The following RBFOX1 variants were observed in gnomAD, a reference collection of about 807,000 sequenced individuals.
The protein encoded by RBFOX1 is RNA binding protein fox-1 homolog 1.
Under a neutral mutation model 57.7 loss-of-function variants are expected in RBFOX1, and 8 were observed. The observed-to-expected ratio is 0.14, with a 90% CI of 0.08 to 0.25. The LOEUF is 0.25. Ranked by LOEUF, RBFOX1 falls within the 10% of genes least tolerant of loss-of-function variation. RBFOX1 has a pLI of 1.00. For missense variants in RBFOX1, 611 were observed against 548.5 expected, an observed-to-expected ratio of 1.11 and a Z score of -1.14; for synonymous variants, 326 against 222.4, an observed-to-expected ratio of 1.47 and a Z score of -4.15.
chr16:5,842,823 AATTT>A (rs1216181428), intron 3 of RBFOX1, among the ~76,000 whole-genome samples: 1 of 150,742 alleles, frequency 6.6e-6, no homozygotes, highest in Non-Finnish European at 1.5e-5. Flanking sequence ...TTTTTTTTTT[AATTT>A]ATTTATTTTG....
intron 12 of RBFOX1, among the ~76,000 whole-genome samples, chr16:7,662,565 T>C (rs530870306): frequency 5.0e-4 from 76 of 152,244 alleles, no homozygotes; most frequent in Admixed American, 2.3e-3. Context: ...GAGAATAGAA[T>C]GTTAGTTAAG....
intron 3 of RBFOX1, among the ~76,000 whole-genome samples, chr16:6,752,320 C>G (rs1239239557): frequency 6.6e-6 from 1 of 152,170 alleles, no homozygotes; most frequent in Non-Finnish European, 1.5e-5. Flanking sequence ...ATAACTTTGA[C>G]ATTATCAGAC....
At chr16:7,432,471 A>T (rs1003179695) in intron 4 of RBFOX1, among the ~76,000 whole-genome samples, 3 of 152,186 alleles carry the variant, frequency 2.0e-5, no homozygotes, top group African/African-American at 7.2e-5. Context: ...CTCAGGTTGC[A>T]TTGCACCTTA....
chr16:7,481,388 TTGC>T (rs1478018743), intron 4 of RBFOX1, among the ~76,000 whole-genome samples: 1 of 152,208 alleles, frequency 6.6e-6, no homozygotes, highest in Non-Finnish European at 1.5e-5. Flanking sequence ...TAGATATAAA[TTGC>T]TGCTAAATTA....
chr16:6,134,897 A>T (rs958870837), intron 1 of RBFOX1, among the ~76,000 whole-genome samples: 1 of 152,058 alleles, frequency 6.6e-6, no homozygotes, highest in African/African-American at 2.4e-5. Context: ...CACAACGTGC[A>T]GGGTTGTTAC....
chr16:7,549,172 GA>G (rs778670378), intron 5 of RBFOX1, among the ~76,000 whole-genome samples: 7 of 152,246 alleles, frequency 4.6e-5, no homozygotes, highest in Non-Finnish European at 8.8e-5. Context: ...CCAAGGCCTT[GA>G]GGTGGGAAAC....
chr16:6,715,958 C>G (rs28620460), intron 3 of RBFOX1, among the ~76,000 whole-genome samples: 2 of 152,166 alleles, frequency 1.3e-5, no homozygotes, highest in Non-Finnish European at 2.9e-5. Context: ...GTCAAGGATA[C>G]GACGCAATTG....
At position 6,344,407 on chromosome 16, in the gene RBFOX1, C is replaced by CTTTTTTTT. The variant is rs60637926; in HGVS notation, c.-64+27355_-64+27362dup. On this transcript the variant is annotated intron_variant, in intron 2 of 15. Coordinates refer to ENST00000550418, the MANE Select transcript of RBFOX1 (RefSeq NM_018723.4). The stretch of plus-strand genomic sequence containing the variant: ...TCTCTTCTTCTTTTTTCTTTTTTTT[C>CTTTTTTTT]TTTTTTTTTTTTGAGACAGAGTCTC... Among the ~76,000 whole-genome samples the CTTTTTTTT allele has an allele frequency of 2.3e-4, 25 of 109,836 alleles. 2 individuals carry two copies. The highest frequency in any genetic ancestry group is 3.7e-4 in the Non-Finnish European group (22 of 59,138). 72.1% of individuals were successfully genotyped at this position (109,836 alleles called of 152,430 possible).
chr16:7,484,564 G>A (rs953154025), intron 4 of RBFOX1, among the ~76,000 whole-genome samples: 7 of 152,168 alleles, frequency 4.6e-5, no homozygotes, highest in African/African-American at 7.2e-5. Flanking sequence ...CTGAGTTCAA[G>A]CAATTCTCCT....
At chr16:6,564,445 G>A (rs1482491118) in intron 2 of RBFOX1, among the ~76,000 whole-genome samples, 4 of 150,814 alleles carry the variant, frequency 2.7e-5, no homozygotes, top group South Asian at 2.1e-4. Flanking sequence ...GGGCAACAGA[G>A]TGAGACTCTG....
At chr16:6,094,128 A>T (rs944462443) in intron 1 of RBFOX1, among the ~76,000 whole-genome samples, 2 of 152,166 alleles carry the variant, frequency 1.3e-5, no homozygotes, top group Admixed American at 6.5e-5. Context: ...TGTGAAATAG[A>T]TTTCCAGTTT....
chr16:6,789,734 C>A (rs1319295376), intron 3 of RBFOX1, among the ~76,000 whole-genome samples: 1 of 152,096 alleles, frequency 6.6e-6, no homozygotes, highest in East Asian at 1.9e-4. Flanking sequence ...CAGTAATTTA[C>A]ACAGAAGTCT....
At chr16:6,700,529 G>T (rs941989672) in intron 3 of RBFOX1, among the ~76,000 whole-genome samples, 1 of 152,014 alleles carries the variant, frequency 6.6e-6, no homozygotes, top group Non-Finnish European at 1.5e-5. Flanking sequence ...GAGGTGGTGG[G>T]TGCCTGTAAT....
At position 6,738,949 on chromosome 16, in the gene RBFOX1, A is replaced by G. The variant is rs1217044767; in HGVS notation, c.-16+84299A>G. On this transcript the variant is annotated intron_variant, in intron 3 of 15. Coordinates refer to ENST00000550418, the MANE Select transcript of RBFOX1 (RefSeq NM_018723.4). The stretch of plus-strand genomic sequence containing the variant: ...ATGACATTGAACTTAATGAAAATAA[A>G]CATACAGTGTATCAAAATGTGTGTG... Among the ~76,000 whole-genome samples the G allele has an allele frequency of 2.0e-5, 3 of 152,218 alleles. No individual in the cohort carries two copies. The East Asian group carries it at 5.8e-4, about 29-fold the overall frequency.
chr16:7,463,885 A>G (rs1234142248), intron 4 of RBFOX1, among the ~76,000 whole-genome samples: 3 of 152,208 alleles, frequency 2.0e-5, no homozygotes, highest in African/African-American at 4.8e-5. Flanking sequence ...CCATCACAGA[A>G]GAGCAAAGTA....
chr16:5,794,225 C>G (rs1459908913), intron 3 of RBFOX1, among the ~76,000 whole-genome samples: 1 of 152,184 alleles, frequency 6.6e-6, no homozygotes, highest in East Asian at 1.9e-4. Context: ...ACAGAAAACA[C>G]TTACAAAATG....
chr16:5,427,441 C>T (rs2067595410), intron 1 of RBFOX1, among the ~76,000 whole-genome samples: 1 of 152,066 alleles, frequency 6.6e-6, no homozygotes, highest in Non-Finnish European at 1.5e-5. Context: ...AAAAATTAGC[C>T]AGGCATAGTG....
At chr16:5,570,193 C>G (rs1045262112) in intron 2 of RBFOX1, among the ~76,000 whole-genome samples, 1 of 151,902 alleles carries the variant, frequency 6.6e-6, no homozygotes, top group African/African-American at 2.4e-5. Flanking sequence ...TTTTTTTCCT[C>G]TTCTAACTCA....
intron 2 of RBFOX1, among the ~76,000 whole-genome samples, chr16:6,509,681 A>G (rs2096207290): frequency 6.6e-6 from 1 of 152,210 alleles, no homozygotes; most frequent in South Asian, 2.1e-4. Flanking sequence ...AATAAGTAAA[A>G]GAGTATAATC....
Sources: allele counts gnomAD v4.1 joint callset (sites outside exome capture counted in the v4.1 genomes callset), GRCh38; gene constraint gnomAD v4.1.1; transcripts MANE v1.5; gene names NCBI Gene and HGNC (gene_info 2026-07-23, HGNC 2026-07-21).